AKAP9: variants seen among roughly 807,000 people sequenced by gnomAD.
AKAP9 encodes A-kinase anchoring protein 9, also known as A-kinase anchor protein 9.
In AKAP9, 311 loss-of-function variants were observed where a neutral mutation model predicts 488.5. The observed-to-expected ratio is 0.64, with a 90% CI of 0.58 to 0.70. The LOEUF is 0.70. Among genes scored for constraint, AKAP9 ranks in the 30% least tolerant of loss-of-function variants. The pLI is 0.00. For missense variants in AKAP9, 4,215 were observed against 4,374.5 expected, an observed-to-expected ratio of 0.96 and a Z score of 1.03; for synonymous variants, 1,462 against 1,483.5, an observed-to-expected ratio of 0.99 and a Z score of 0.33.
Position 92,095,050 on chromosome 7 carries a change from A to G in AKAP9, c.9606A>G (p.Glu3202=), listed in dbSNP as rs1816327436. 3.1e-6 allele frequency: 5 copies of G among 1,614,154 alleles called. 1 individual carries two copies. The South Asian group carries it at 3.3e-5, about 11-fold the overall frequency. The part of the protein sequence containing the change: ...FRLEVKDKTD[E]VHLLNDTLAS... ...TGGAAGTTAAAGATAAGACAGATGA[A>G]GTACATTTGCTTAATGACACATTAG... Residue 3202 remains glutamate, a synonymous_variant, in exon 40 of 50, where the codon GAA becomes GAG. Coordinates refer to ENST00000356239, the MANE Select transcript of AKAP9 (RefSeq NM_005751.5).
Position 92,021,559 on chromosome 7 carries a change from C to T in AKAP9, c.3838-679C>T, listed in dbSNP as rs548351583. 2.6e-5 allele frequency among the ~76,000 whole-genome samples: 4 copies of T among 152,188 alleles called. No homozygotes were observed. The East Asian group carries it at 7.7e-4, about 29-fold the overall frequency. The stretch of plus-strand genomic sequence containing the variant: ...GTTCAAGAAATTCACCCGCCTCAGC[C>T]CCTCAAGTAACTGGGATTACAGGTG... On this transcript the variant is annotated intron_variant, in intron 12 of 49. Coordinates refer to ENST00000356239, the MANE Select transcript of AKAP9 (RefSeq NM_005751.5).
chr7:92,106,220 T>C (rs1183245952), intron 47 of AKAP9, among the ~76,000 whole-genome samples: 1 of 152,212 alleles, frequency 6.6e-6, no homozygotes, highest in East Asian at 1.9e-4. Context: ...AAAGCCCTTA[T>C]AACTGCCAAA....
intron 17 of AKAP9, 63 bp downstream of exon 17, chr7:92,038,835 A>AAT: frequency 9.3e-7 from 1 of 1,079,036 alleles, no homozygotes. Context: ...TCACTTTAAA[A>AAT]ATATTAGCAA....
At chr7:91,957,074 C>T (rs941276634) in intron 1 of AKAP9, among the ~76,000 whole-genome samples, 9 of 152,070 alleles carry the variant, frequency 5.9e-5, no homozygotes, top group Admixed American at 2.6e-4. Flanking sequence ...TCCTGATTTA[C>T]ATCTCAATAT....
intron 7 of AKAP9, among the ~76,000 whole-genome samples, chr7:91,999,456 T>C (rs1584026957): frequency 6.6e-6 from 1 of 152,156 alleles, no homozygotes; most frequent in Non-Finnish European, 1.5e-5. Flanking sequence ...TTGAATAAGA[T>C]TATTAATTTA....
intron 1 of AKAP9, among the ~76,000 whole-genome samples, chr7:91,963,731 G>A (rs1794072236): frequency 1.3e-5 from 2 of 152,132 alleles, no homozygotes; most frequent in Admixed American, 1.3e-4. Context: ...TGTTAGGCAG[G>A]ATGGTCTTGA....
chr7:92,034,295 T>C (rs985604554), intron 16 of AKAP9, among the ~76,000 whole-genome samples: 3 of 151,948 alleles, frequency 2.0e-5, no homozygotes, highest in Admixed American at 6.6e-5. Context: ...CTCTGGTGAG[T>C]TGGAGGACAA....
In AKAP9 at chr7:92,016,144, C is replaced by G; in HGVS notation, c.3628C>G (p.Leu1210Val). 6.2e-7 allele frequency: 1 copy of G among 1,603,574 alleles called. No homozygotes were observed. Among genetic ancestry groups the G allele is most frequent in the Non-Finnish European group, 8.5e-7 (1 of 1,171,492 alleles). ...SYFLQTLCSVLGEYYTPALKC... is the reference protein window; with the variant it reads ...SYFLQTLCSVVGEYYTPALKC... ...TTGTTAACAGACTTTATGCAGTGTC[C>G]TTGGTGAATATTATACTCCTGCTTT... is the stretch of plus-strand genomic sequence containing the variant. Residue 1210 changes from leucine (L) to valine (V), a missense_variant, in exon 11 of 50, where the codon CTT becomes GTT. This residue lies in a region of AKAP9 where 2,361 missense variants were observed against 2,430.0 expected (regional missense o/e 0.97). Transcript: ENST00000356239.
chr7:92,012,194 G>A (rs1334065822), intron 8 of AKAP9, among the ~76,000 whole-genome samples: 1 of 152,126 alleles, frequency 6.6e-6, no homozygotes, highest in Non-Finnish European at 1.5e-5. Context: ...GATGAGTCAT[G>A]CTAGCTATAC....
chr7:92,076,173 G>A (rs993798763), intron 28 of AKAP9, among the ~76,000 whole-genome samples: 5 of 152,060 alleles, frequency 3.3e-5, no homozygotes, highest in South Asian at 2.1e-4. Flanking sequence ...TTCATCATTC[G>A]TTTCAGTCTC....
In AKAP9 at chr7:92,022,851, T is replaced by C; in HGVS notation, c.3990T>C (p.Asp1330=). ...NHKSKLSSLQ[D]LEKTKLEEQV... ...AAAGCAAGTTATCTTCTCTGCAAGATCTTGAAAAAACTAAACTTGAAGAAC... is the reference window on the plus strand; with the variant it reads ...AAAGCAAGTTATCTTCTCTGCAAGACCTTGAAAAAACTAAACTTGAAGAAC... Residue 1330 remains aspartate (D), a synonymous_variant, in exon 14 of 50, where the codon GAT becomes GAC. Coordinates refer to ENST00000356239, the MANE Select transcript of AKAP9 (RefSeq NM_005751.5). The C allele has an allele frequency of 1.3e-6, 2 of 1,583,898 alleles. No homozygotes were observed. The highest frequency in any genetic ancestry group is 1.7e-6 in the Non-Finnish European group (2 of 1,167,482).
chr7:92,050,231 ATTTTTGTATTTTTGTAATTTTTT>A (rs532284148), intron 21 of AKAP9, among the ~76,000 whole-genome samples: 6 of 151,710 alleles, frequency 4.0e-5, no homozygotes, highest in African/African-American at 1.5e-4. Flanking sequence ...TGGCCAGCTA[ATTTTTGTATTTTTGTAATTTTTT>A]TTTTTGTATT....
intron 12 of AKAP9, among the ~76,000 whole-genome samples, chr7:92,020,490 G>A (rs1286771089): frequency 5.3e-5 from 8 of 152,078 alleles, no homozygotes; most frequent in South Asian, 2.1e-4. Flanking sequence ...TGCTTATCGC[G>A]TTTCTCTTTT....
intron 22 of AKAP9, 141 bp from the exon 23 acceptor site, chr7:92,061,119 T>C (rs566994180): frequency 9.9e-5 from 96 of 965,604 alleles, no homozygotes; most frequent in Non-Finnish European, 1.3e-4. Context: ...AATCTTAGCA[T>C]ACACTGGCAA....
At chr7:92,037,104 G>A (rs992646444) in intron 16 of AKAP9, among the ~76,000 whole-genome samples, 13 of 152,162 alleles carry the variant, frequency 8.5e-5, no homozygotes, top group Admixed American at 5.9e-4. Context: ...TAATGTTGCA[G>A]CACTTGAATT....
chr7:92,051,978 AT>A (rs879583786), intron 21 of AKAP9, among the ~76,000 whole-genome samples: 22 of 151,370 alleles, frequency 1.5e-4, no homozygotes, highest in Admixed American at 3.3e-4. Context: ...ATGCAAACTC[AT>A]TTTTTTTTAA....
intron 7 of AKAP9, among the ~76,000 whole-genome samples, chr7:92,000,115 G>A (rs1192740066): frequency 6.6e-6 from 1 of 152,214 alleles, no homozygotes; most frequent in Non-Finnish European, 1.5e-5. Context: ...CTTGGCCTGT[G>A]TCTGGGCGTA....
chr7:92,025,633 G>T (rs1252218091), intron 14 of AKAP9, among the ~76,000 whole-genome samples: 1 of 152,184 alleles, frequency 6.6e-6, no homozygotes, highest in African/African-American at 2.4e-5. Context: ...ACTAAGGTTG[G>T]AAAGATCATG....
intron 1 of AKAP9, among the ~76,000 whole-genome samples, chr7:91,970,111 TAAAAAG>T (rs1293219088): frequency 6.6e-6 from 1 of 152,108 alleles, no homozygotes; most frequent in Non-Finnish European, 1.5e-5. Context: ...CCATGAGACT[TAAAAAG>T]ACATAGGTTC....
Sources: gnomAD v4.1 joint callset for allele counts (sites outside exome capture counted in the v4.1 genomes callset) on GRCh38, gnomAD v4.1.1 for gene constraint, gnomAD v4.1.1 regional missense constraint, MANE v1.5 for transcripts, NCBI Gene and HGNC (gene_info 2026-07-23, HGNC 2026-07-21) for gene names.